Variants in CHCHD3 observed in about 807,000 individuals in gnomAD.
The protein encoded by CHCHD3 is MICOS complex subunit MIC19.
In CHCHD3, 20 loss-of-function variants were observed where a neutral mutation model predicts 38.2. The ratio of observed to expected loss-of-function variants is 0.52; its 90% CI spans 0.37 to 0.76. CHCHD3 has a LOEUF of 0.76. Among genes scored for constraint, CHCHD3 ranks in the 30% least tolerant of loss-of-function variants. The pLI is 0.00. For synonymous variants in CHCHD3, 82 were observed against 100.0 expected, an observed-to-expected ratio of 0.82 and a Z score of 1.07; for missense variants, 245 against 279.2, an observed-to-expected ratio of 0.88 and a Z score of 0.87.
Position 132,817,418 on chromosome 7 carries a change from T to TA in CHCHD3, c.525-20842dup, listed in dbSNP as rs112602393. ...CTATTATATCAAAGTGCATTGAGATTAAAAAAAAAATGAGGCAAAGTGATG... is the reference window on the plus strand; with the variant it reads ...CTATTATATCAAAGTGCATTGAGATTAAAAAAAAAAATGAGGCAAAGTGATG... On this transcript the variant is annotated intron_variant, in intron 6 of 7. Transcript: ENST00000262570. Among the ~76,000 whole-genome samples, 273 of 148,866 alleles carry TA rather than the reference T, an allele frequency of 1.8e-3. 1 individual carries two copies. Among genetic ancestry groups the TA allele is most frequent in the African/African-American group, 6.2e-3 (252 of 40,790 alleles).
At chr7:132,806,400 G>A (rs558236242) in intron 6 of CHCHD3, among the ~76,000 whole-genome samples, 1 of 152,274 alleles carries the variant, frequency 6.6e-6, no homozygotes, top group South Asian at 2.1e-4. Flanking sequence ...TGTGGGACAA[G>A]ACCAAGAGAC....
chr7:133,079,186 GAAGTTCACTT>G (rs1365042226), intron 1 of CHCHD3, among the ~76,000 whole-genome samples: 2 of 152,120 alleles, frequency 1.3e-5, no homozygotes, highest in African/African-American at 4.8e-5. Flanking sequence ...ATTAAAATTT[GAAGTTCACTT>G]AAGTTCACAT....
chr7:132,925,827 A>C (rs1438390867), intron 4 of CHCHD3, among the ~76,000 whole-genome samples: 1 of 152,242 alleles, frequency 6.6e-6, no homozygotes, highest in Non-Finnish European at 1.5e-5. Context: ...CGTTTCCAAA[A>C]GATGAGCCTC....
intron 4 of CHCHD3, among the ~76,000 whole-genome samples, chr7:132,922,830 A>C (rs1810293905): frequency 6.6e-6 from 1 of 151,298 alleles, no homozygotes; most frequent in African/African-American, 2.4e-5. Flanking sequence ...ACCTACCAGC[A>C]AAGCAACTAC....
intron 5 of CHCHD3, among the ~76,000 whole-genome samples, chr7:132,845,475 G>T (rs948591325): frequency 2.0e-5 from 3 of 152,240 alleles, no homozygotes; most frequent in African/African-American, 7.2e-5. Flanking sequence ...TAAGACGGAT[G>T]GGAAATATGA....
At chr7:132,882,430 G>A (rs1809084887) in intron 5 of CHCHD3, among the ~76,000 whole-genome samples, 1 of 150,270 alleles carries the variant, frequency 6.7e-6, no homozygotes, top group Non-Finnish European at 1.5e-5. Context: ...CCACTTCCCA[G>A]GCTGATCTTC....
At chr7:132,982,542 C>T (rs1384198287) in intron 3 of CHCHD3, among the ~76,000 whole-genome samples, 1 of 152,216 alleles carries the variant, frequency 6.6e-6, no homozygotes, top group Non-Finnish European at 1.5e-5. Context: ...ACCTCAGCCT[C>T]CCAGAGTGCT....
intron 5 of CHCHD3, among the ~76,000 whole-genome samples, chr7:132,844,188 C>T (rs537362550): frequency 6.6e-6 from 1 of 152,170 alleles, no homozygotes; most frequent in African/African-American, 2.4e-5. Context: ...GTCCCTGCTA[C>T]TCGGCTGGCT....
chr7:132,947,929 G>T lies in CHCHD3; in HGVS notation c.369+27240C>A, dbSNP rs963548102. On this transcript the variant is annotated intron_variant, in intron 4 of 7. Coordinates refer to ENST00000262570, the MANE Select transcript of CHCHD3 (RefSeq NM_017812.4). The stretch of plus-strand genomic sequence containing the variant: ...CAGATATCATTTAAAATGCCAAAAG[G>T]ATTATCAACATAAAATAAAAGTGTG... 5.9e-5 allele frequency among the ~76,000 whole-genome samples: 9 copies of T among 151,780 alleles called. No homozygotes were observed. The East Asian group carries it at 1.5e-3, about 26-fold the overall frequency.
At chr7:132,926,410 A>G (rs1205771882) in intron 4 of CHCHD3, among the ~76,000 whole-genome samples, 1 of 152,202 alleles carries the variant, frequency 6.6e-6, no homozygotes, top group Non-Finnish European at 1.5e-5. Flanking sequence ...TGAAAAGTAC[A>G]GCATTAGAAT....
intron 2 of CHCHD3, among the ~76,000 whole-genome samples, chr7:133,030,955 T>G (rs759278676): frequency 5.9e-5 from 9 of 152,184 alleles, no homozygotes; most frequent in Non-Finnish European, 1.2e-4. Flanking sequence ...CCTAACAAAT[T>G]TTTGTTTGTC....
In CHCHD3 at chr7:132,983,151, A is replaced by G. The variant is rs539201397; in HGVS notation, c.252-7865T>C. Among the ~76,000 whole-genome samples the G allele has an allele frequency of 1.9e-3, 285 of 151,764 alleles. 1 individual carries two copies. The South Asian group carries it at 0.022, about 12-fold the overall frequency. On this transcript the variant is annotated intron_variant, in intron 3 of 7. Coordinates refer to ENST00000262570, the MANE Select transcript of CHCHD3 (RefSeq NM_017812.4). ...AGCCTAGCCAACATGGCGAAACCCC[A>G]TCTCCATTAAAAATACAAAAAATTA...
Position 132,885,672 on chromosome 7 carries a change from A to C in CHCHD3, c.443T>G (p.Leu148Arg), listed in dbSNP as rs756460103. The C allele has an allele frequency of 4.4e-6, 7 of 1,605,016 alleles. No homozygotes were observed. The highest frequency in any genetic ancestry group is 1.9e-4 in the Middle Eastern group (1 of 5,316). Residue 148 changes from leucine (L) to arginine (R), a missense_variant, in exon 5 of 8, where the codon CTG becomes CGG. Transcript: ENST00000262570. ...AAAAAATAGTCATACCCTCTCCTCC[A>C]GTCTAGCCAGCTGTTCTTTGTAGAA... Reference protein sequence around the residue: ...DAFYKEQLARLEERSSEFYRV... With the variant: ...DAFYKEQLARREERSSEFYRV...
rs1554394785 is a variant in CHCHD3 at position 132,963,155 on chromosome 7, A to AT, written c.369+12013_369+12014insA. Among the ~76,000 whole-genome samples the AT allele has an allele frequency of 2.8e-3, 413 of 145,898 alleles. 2 individuals are homozygous for AT. In the East Asian group the frequency reaches 0.034, roughly 12 times the overall value. On this transcript the variant is annotated intron_variant, in intron 4 of 7. Transcript: ENST00000262570. ...ATCCCCTCCCCCAAATAAAAAAAAA[A>AT]ATATATATATATATAATATATGTAG...
rs1178438897 is a variant in CHCHD3 at position 132,785,353 on chromosome 7, T to C, written c.*284A>G. The C allele has an allele frequency of 6.9e-6, 3 of 432,316 alleles. No individual in the cohort carries two copies. Among genetic ancestry groups the C allele is most frequent in the African/African-American group, 6.0e-5 (3 of 49,658 alleles). The allele number at this position is 432,316 out of a possible 1,614,324, so 26.8% of individuals were successfully genotyped here. A position where few individuals can be genotyped will look rare whatever the true frequency, so the allele number is the denominator to read the frequency against. ...TGGTCAGTGCAAGTTGAATAGAAAG[T>C]ACCAAAAGGTGGAGAGGGCTGCCCT... On this transcript the variant is annotated 3_prime_UTR_variant, in exon 8 of 8. Coordinates refer to ENST00000262570, the MANE Select transcript of CHCHD3 (RefSeq NM_017812.4).
At position 132,824,314 on chromosome 7, in the gene CHCHD3, C is replaced by G. The variant is rs77924516; in HGVS notation, c.524+14085G>C. 3.3e-5 allele frequency among the ~76,000 whole-genome samples: 3 copies of G among 90,132 alleles called. No individual in the cohort carries two copies. The East Asian group carries it at 1.1e-3, about 32-fold the overall frequency. The allele number at this position is 90,132 out of a possible 152,430, so 59.1% of individuals were successfully genotyped here. A position where few individuals can be genotyped will look rare whatever the true frequency, so the allele number is the denominator to read the frequency against. On this transcript the variant is annotated intron_variant, in intron 6 of 7. Coordinates refer to ENST00000262570, the MANE Select transcript of CHCHD3 (RefSeq NM_017812.4). Reference sequence around the variant, plus strand: ...AAAAATATTCCCAAGTAGTAGAACTCTTTTTTTTTTTTTTTTTTTTTTGAG... The same window carrying G: ...AAAAATATTCCCAAGTAGTAGAACTGTTTTTTTTTTTTTTTTTTTTTTGAG...
At chr7:133,004,965 G>C (rs1812663372) in intron 3 of CHCHD3, among the ~76,000 whole-genome samples, 1 of 151,706 alleles carries the variant, frequency 6.6e-6, no homozygotes, top group African/African-American at 2.4e-5. Context: ...TCTTATTTTT[G>C]TTATTAAAAA....
chr7:132,985,653 C>A (rs1377360392), intron 3 of CHCHD3, among the ~76,000 whole-genome samples: 1 of 73,334 alleles, frequency 1.4e-5, no homozygotes, highest in Non-Finnish European at 2.9e-5. Context: ...CTCTGCCCGG[C>A]CAGCCGCCCC....
rs115359217 is a variant in CHCHD3 at position 132,949,482 on chromosome 7, T to C, written c.369+25687A>G. Among the ~76,000 whole-genome samples the C allele has an allele frequency of 7.6e-3, 1,157 of 152,310 alleles. 7 individuals carry two copies. Among genetic ancestry groups the C allele is most frequent in the Non-Finnish European group, 0.012 (832 of 68,022 alleles). ...CAAGTTCCATCTTCTAATGAGCCTA[T>C]GTTTATTTGCCTAAGTAGCATAACA... On this transcript the variant is annotated intron_variant, in intron 4 of 7. Transcript: ENST00000262570.
Sources: allele counts gnomAD v4.1 joint callset (sites outside exome capture counted in the v4.1 genomes callset), GRCh38; gene constraint gnomAD v4.1.1; transcripts MANE v1.5; gene names NCBI Gene and HGNC (gene_info 2026-07-23, HGNC 2026-07-21).